The following NHSL2 variants were observed in gnomAD, a reference collection of about 807,000 sequenced individuals.
NHSL2 encodes the protein NHS like 2, also known as NHS-like protein 2.
A neutral mutation model predicts 53.4 loss-of-function variants in NHSL2; 27 were observed. The ratio of observed to expected loss-of-function variants is 0.51; its 90% CI spans 0.37 to 0.70. The LOEUF is 0.70. Ranked by LOEUF, NHSL2 falls within the 30% of genes least tolerant of loss-of-function variation. The pLI is 0.00. For missense variants in NHSL2, 892 were observed against 980.1 expected (o/e 0.91, Z 1.20); for synonymous variants, 408 against 404.1 (o/e 1.01, Z -0.12).
chrX:71,979,349 A>G (rs1383142642), intron 1 of NHSL2, among the ~76,000 whole-genome samples: 2 of 111,403 alleles, frequency 1.8e-5, no homozygotes, highest in African/African-American at 6.6e-5. Context: ...GTCTTCCACA[A>G]TGGTTGAACT....
intron 1 of NHSL2, among the ~76,000 whole-genome samples, chrX:71,930,695 C>T (rs2041708575): frequency 8.9e-6 from 1 of 112,344 alleles, no homozygotes; most frequent in Non-Finnish European, 1.9e-5. Context: ...TTTCAAGGTT[C>T]ATCCGTGCTA....
intron 1 of NHSL2, among the ~76,000 whole-genome samples, chrX:71,917,918 C>T (rs1233620467): frequency 3.6e-5 from 4 of 111,866 alleles, no homozygotes; most frequent in Non-Finnish European, 7.5e-5. Context: ...TCCTCACATC[C>T]TGTTTGTTCG....
At chrX:71,963,035 T>C (rs1408408218) in intron 1 of NHSL2, among the ~76,000 whole-genome samples, 1 of 110,618 alleles carries the variant, frequency 9.0e-6, no homozygotes. Context: ...TCTTGTCAAA[T>C]AACCAACTGT....
chrX:72,084,367 G>T (rs778302297), intron 1 of NHSL2, among the ~76,000 whole-genome samples: 1 of 112,339 alleles, frequency 8.9e-6, no homozygotes, highest in Non-Finnish European at 1.9e-5. Flanking sequence ...TCACATGCGG[G>T]AAGTTTATTG....
At position 72,135,094 on chromosome X, in the gene NHSL2, C is replaced by T. The variant is rs766755728; in HGVS notation, c.760+390C>T. On this transcript the variant is annotated intron_variant, in intron 4 of 7. Coordinates refer to ENST00000633930, the MANE Select transcript of NHSL2 (RefSeq NM_001013627.3). ...GGGTTTGGAGTACACTGATAAGAGT[C>T]GGAGCAGGAGAGTGGGGTTTGGAGT... Among the ~76,000 whole-genome samples the T allele has an allele frequency of 8.1e-5, 9 of 111,751 alleles. No individual in the cohort carries two copies. In the South Asian group the frequency reaches 2.6e-3, roughly 33 times the overall value.
intron 1 of NHSL2, among the ~76,000 whole-genome samples, chrX:71,958,294 C>T (rs1281800607): frequency 1.8e-5 from 2 of 111,968 alleles, no homozygotes; most frequent in Non-Finnish European, 3.8e-5. Flanking sequence ...ATGGACTTAG[C>T]TGGGCTGCTT....
intron 1 of NHSL2, among the ~76,000 whole-genome samples, chrX:72,082,403 T>G (rs1297720889): frequency 6.3e-5 from 7 of 111,877 alleles, no homozygotes; most frequent in African/African-American, 1.6e-4. Context: ...TTCAGCACTT[T>G]AGCAGGAGTC....
intron 1 of NHSL2, among the ~76,000 whole-genome samples, chrX:72,074,030 TAAGA>T (rs1307446891): frequency 1.8e-5 from 2 of 112,445 alleles, no homozygotes; most frequent in Non-Finnish European, 3.8e-5. Context: ...CCTGAGGTAA[TAAGA>T]AAGTAGAGGA....
rs2042518205 is a variant in NHSL2 at position 72,152,045 on chromosome X, G to A, written c.*8471G>A. On this transcript the variant is annotated 3_prime_UTR_variant, in exon 8 of 8. Coordinates refer to ENST00000633930, the MANE Select transcript of NHSL2 (RefSeq NM_001013627.3). ...TTCTGGACCCTCAGCCCCTGGGATG[G>A]GCTCCTTGGGATTGCCCATGCAACA... 1 of 112,535 alleles carries A rather than the reference G, an allele frequency of 8.9e-6. No homozygotes were observed. The allele number at this position is 112,535 out of a possible 1,213,427, so 9.3% of individuals were successfully genotyped here.
At chrX:72,030,506 G>A (rs2042209032) in intron 1 of NHSL2, among the ~76,000 whole-genome samples, 2 of 112,056 alleles carry the variant, frequency 1.8e-5, no homozygotes, top group South Asian at 7.4e-4. Context: ...ATGTGTGTGT[G>A]TGTGTGTGTA....
intron 1 of NHSL2, among the ~76,000 whole-genome samples, chrX:72,070,009 G>A (rs928133838): frequency 3.6e-5 from 4 of 112,456 alleles, no homozygotes; most frequent in African/African-American, 6.5e-5. Context: ...AGGGTGGCTG[G>A]AGTGTCAGAG....
chrX:72,010,612 A>G (rs1474731402), intron 1 of NHSL2, among the ~76,000 whole-genome samples: 1 of 112,399 alleles, frequency 8.9e-6, no homozygotes, highest in Non-Finnish European at 1.9e-5. Context: ...CACCATATAT[A>G]CTAATCTGCT....
chrX:72,040,411 C>T (rs960030912), intron 1 of NHSL2, among the ~76,000 whole-genome samples: 2 of 112,378 alleles, frequency 1.8e-5, no homozygotes, highest in African/African-American at 3.2e-5. Flanking sequence ...TTGTTTAATC[C>T]TCATTCACAC....
chrX:72,030,706 T>C (rs759546612), intron 1 of NHSL2, among the ~76,000 whole-genome samples: 4 of 112,341 alleles, frequency 3.6e-5, no homozygotes, highest in Non-Finnish European at 7.5e-5. Flanking sequence ...CCCTGCTTTG[T>C]AGCTTTTGCC....
rs865870184 is a variant in NHSL2, at chrX:72,122,090, G to A, written c.281-9989G>A. ...AATATTTTTCTAACCATTTCGGTAT[G>A]ATTGTTTGCCTTTGTGATTCTATGT... On this transcript the variant is annotated intron_variant, in intron 1 of 7. Transcript: ENST00000633930. Among the ~76,000 whole-genome samples, 12 of 112,342 alleles carry A rather than the reference G, an allele frequency of 1.1e-4. No homozygotes were observed. In the Middle Eastern group the frequency reaches 0.014, roughly 128 times the overall value.
chrX:71,930,421 C>A, intron 1 of NHSL2, among the ~76,000 whole-genome samples: 1 of 112,539 alleles, frequency 8.9e-6, no homozygotes, highest in Admixed American at 9.4e-5. Flanking sequence ...TTAATTCCCC[C>A]ATTTAAAGTG....
At position 72,144,539 on chromosome X, in the gene NHSL2, G is replaced by C; in HGVS notation, c.*965G>C. ...ATCAAAGGCTCAAGGATAATGGAAA[G>C]TAAGTGCATCTTGCCCCCCACCAGT... is the stretch of plus-strand genomic sequence containing the variant. On this transcript the variant is annotated 3_prime_UTR_variant, in exon 8 of 8. Coordinates refer to ENST00000633930, the MANE Select transcript of NHSL2 (RefSeq NM_001013627.3). 2 of 1,025,684 alleles carry C rather than the reference G, an allele frequency of 1.9e-6. No individual in the cohort carries two copies. Among genetic ancestry groups the C allele is most frequent in the Middle Eastern group, 2.9e-4 (1 of 3,435 alleles). 84.5% of individuals were successfully genotyped at this position (1,025,684 alleles called of 1,213,427 possible).
At chrX:72,081,038 G>T (rs1173640796) in intron 1 of NHSL2, among the ~76,000 whole-genome samples, 1 of 112,443 alleles carries the variant, frequency 8.9e-6, no homozygotes, top group African/African-American at 3.2e-5. Flanking sequence ...TGCTTGTGGA[G>T]GTAGCTGGCA....
At chrX:72,049,042 A>AGAGGAAGAGGAG (rs764985327) in intron 1 of NHSL2, among the ~76,000 whole-genome samples, 2 of 106,167 alleles carry the variant, frequency 1.9e-5, no homozygotes, top group African/African-American at 7.1e-5. Flanking sequence ...AGGAAGAGGA[A>AGAGGAAGAGGAG]GAAGAAGAAG....
Sources: allele counts gnomAD v4.1 joint callset (sites outside exome capture counted in the v4.1 genomes callset), GRCh38; gene constraint gnomAD v4.1.1; transcripts MANE v1.5; gene names NCBI Gene and HGNC (gene_info 2026-07-23, HGNC 2026-07-21).